AAMDC: variants seen among roughly 807,000 people sequenced by gnomAD.
AAMDC encodes the protein mth938 domain-containing protein.
A neutral mutation model predicts 15.5 loss-of-function variants in AAMDC; 16 were observed. The ratio of observed to expected loss-of-function variants is 1.03; its 90% CI spans 0.70 to 1.57. AAMDC has a LOEUF of 1.57. Among genes scored for constraint, AAMDC ranks in the 40% most tolerant of loss-of-function variants. The probability of loss-of-function intolerance (pLI) is 0.00; values close to 1 mark genes in which losing one functional copy is unlikely to be tolerated. For synonymous variants in AAMDC, 51 were observed against 51.6 expected, an observed-to-expected ratio of 0.99 and a Z score of 0.05; for missense variants, 141 against 144.9, an observed-to-expected ratio of 0.97 and a Z score of 0.14.
chr11:77,841,349 T>C (rs1949923181), intron 1 of AAMDC: 1 of 623,806 alleles, frequency 1.6e-6, no homozygotes, highest in Non-Finnish European at 2.9e-6. Context: ...GTGTCTACTT[T>C]AGTCTCTGTT....
At chr11:77,879,561 G>T (rs1029356417) in intron 5 of AAMDC, among the ~76,000 whole-genome samples, 1 of 152,152 alleles carries the variant, frequency 6.6e-6, no homozygotes, top group Non-Finnish European at 1.5e-5. Flanking sequence ...CTTTATTAGT[G>T]GAGAGGAAGC....
chr11:77,857,283 T>C (rs1010571292), intron 2 of AAMDC, among the ~76,000 whole-genome samples: 1 of 152,168 alleles, frequency 6.6e-6, no homozygotes, highest in Admixed American at 6.5e-5. Flanking sequence ...TCACAGAAAG[T>C]GGGATCTTTG....
intron 1 of AAMDC, among the ~76,000 whole-genome samples, chr11:77,827,195 A>G (rs1949219664): frequency 6.6e-6 from 1 of 152,170 alleles, no homozygotes; most frequent in African/African-American, 2.4e-5. Context: ...AGATGGCTTC[A>G]TGGTCAGTTC....
downstream of AAMDC, among the ~76,000 whole-genome samples, chr11:77,903,126 A>G (rs529748852): frequency 2.0e-5 from 3 of 152,342 alleles, no homozygotes; most frequent in South Asian, 4.1e-4. Context: ...AACTTGCTCA[A>G]TATCACTCAG....
chr11:77,900,324 C>G (rs1461822110), intron 5 of AAMDC, among the ~76,000 whole-genome samples: 1 of 152,122 alleles, frequency 6.6e-6, no homozygotes, highest in Non-Finnish European at 1.5e-5. Flanking sequence ...TGCTCTTGAT[C>G]TCCTGACCTC....
intron 1 of AAMDC, among the ~76,000 whole-genome samples, chr11:77,833,790 T>A (rs1278295322): frequency 6.6e-6 from 1 of 152,222 alleles, no homozygotes; most frequent in Non-Finnish European, 1.5e-5. Context: ...TAATCGTATA[T>A]TAATACTTAT....
chr11:77,854,215 A>C (rs1457173112), intron 2 of AAMDC, among the ~76,000 whole-genome samples: 1 of 151,836 alleles, frequency 6.6e-6, no homozygotes, highest in Non-Finnish European at 1.5e-5. Flanking sequence ...GATTGGCTCG[A>C]TCTCCTGACC....
chr11:77,892,708 GAGT>G (rs1952328699), intron 5 of AAMDC, among the ~76,000 whole-genome samples: 1 of 151,840 alleles, frequency 6.6e-6, no homozygotes, highest in Non-Finnish European at 1.5e-5. Flanking sequence ...TCAGCCTCCC[GAGT>G]AGCTGGGACT....
At chr11:77,822,817 A>C (rs967659804) in intron 1 of AAMDC, among the ~76,000 whole-genome samples, 5 of 152,240 alleles carry the variant, frequency 3.3e-5, no homozygotes, top group Admixed American at 2.0e-4. Flanking sequence ...TCAAAGTCTA[A>C]AGAACACTGT....
chr11:77,838,818 G>A (rs531309569), intron 1 of AAMDC, among the ~76,000 whole-genome samples: 46 of 151,776 alleles, frequency 3.0e-4, no homozygotes, highest in South Asian at 1.5e-3. Flanking sequence ...GAGTTTCACC[G>A]TGTTAGCCAG....
At chr11:77,900,247 A>ACC (rs1310473588) in intron 5 of AAMDC, among the ~76,000 whole-genome samples, 6 of 151,972 alleles carry the variant, frequency 3.9e-5, no homozygotes, top group Non-Finnish European at 8.8e-5. Flanking sequence ...CTACTGGTGC[A>ACC]TGCCACCATG....
intron 1 of AAMDC, among the ~76,000 whole-genome samples, chr11:77,826,630 C>T (rs1949188268): frequency 6.6e-6 from 1 of 152,148 alleles, no homozygotes; most frequent in Non-Finnish European, 1.5e-5. Flanking sequence ...CACTGGCTAG[C>T]CAGTCTGTCT....
rs182704875 is a variant in AAMDC at position 77,842,707 on chromosome 11, G to A, written c.132+79G>A. On this transcript the variant is annotated intron_variant, in intron 2 of 3. Coordinates refer to ENST00000393427, the MANE Select transcript of AAMDC (RefSeq NM_024684.4). Reference sequence around the variant, plus strand: ...ACTTCCTAAGCTGCAATGACTAAGTGAAAAACTATTTCTCTTGTGTCTTTT... The same window carrying A: ...ACTTCCTAAGCTGCAATGACTAAGTAAAAAACTATTTCTCTTGTGTCTTTT... 2.3e-4 allele frequency: 364 copies of A among 1,559,682 alleles called. 2 individuals carry two copies. In the Middle Eastern group the frequency reaches 4.4e-3, roughly 19 times the overall value.
chr11:77,903,619 G>A (rs1350105005), downstream of AAMDC: 7 of 1,612,844 alleles, frequency 4.3e-6, no homozygotes, highest in Non-Finnish European at 5.9e-6. Context: ...TTCCTGCAAG[G>A]CCTACGCAGA....
At chr11:77,862,272 G>A (rs1316430377) in intron 2 of AAMDC, among the ~76,000 whole-genome samples, 1 of 152,172 alleles carries the variant, frequency 6.6e-6, no homozygotes, top group Non-Finnish European at 1.5e-5. Flanking sequence ...CTCTCGGGCT[G>A]CAGTTATGAT....
chr11:77,824,734 G>A (rs1949088133), intron 1 of AAMDC, among the ~76,000 whole-genome samples: 1 of 152,132 alleles, frequency 6.6e-6, no homozygotes, highest in African/African-American at 2.4e-5. Context: ...CTAGAAAGGG[G>A]CACAAGGGGA....
chr11:77,824,231 T>A (rs189418621), intron 1 of AAMDC, among the ~76,000 whole-genome samples: 217 of 152,334 alleles, frequency 1.4e-3, no homozygotes, highest in African/African-American at 4.6e-3. Context: ...AACGACAATT[T>A]ATGTAGTTAT....
chr11:77,869,910 A>G (rs1590977101), intron 3 of AAMDC, 93 bp downstream of exon 3: 2 of 1,205,642 alleles, frequency 1.7e-6, no homozygotes, highest in Admixed American at 3.5e-5. Context: ...GGTCATCTTT[A>G]TATATCATGT....
At chr11:77,905,574 T>C (rs141324281), downstream of AAMDC, among the ~76,000 whole-genome samples, 587 of 152,324 alleles carry the variant, frequency 3.9e-3, 4 homozygotes, top group African/African-American at 0.013. Flanking sequence ...TGTATAAGCA[T>C]TGAGTGTGTA....
Sources: gnomAD v4.1 joint callset for allele counts (sites outside exome capture counted in the v4.1 genomes callset) on GRCh38, gnomAD v4.1.1 for gene constraint, MANE v1.5 for transcripts, NCBI Gene and HGNC (gene_info 2026-07-23, HGNC 2026-07-21) for gene names.